NOL4: variants seen among roughly 807,000 people sequenced by gnomAD.
NOL4 encodes the protein cancer/testis antigen 125.
NOL4 carries 17 observed loss-of-function variants against 75.9 expected under a neutral mutation model. The ratio of observed to expected loss-of-function variants is 0.22; its 90% CI spans 0.15 to 0.34. NOL4 has a LOEUF of 0.34. Among genes scored for constraint, NOL4 ranks in the 10% least tolerant of loss-of-function variants. The probability of loss-of-function intolerance (pLI) is 1.00; values close to 1 mark genes in which losing one functional copy is unlikely to be tolerated. For missense variants in NOL4, 614 were observed against 793.5 expected (o/e 0.77, Z 2.72); for synonymous variants, 292 against 289.9 (o/e 1.01, Z -0.07).
chr18:34,070,103 C>G (rs924377694), intron 5 of NOL4, among the ~76,000 whole-genome samples: 1 of 152,238 alleles, frequency 6.6e-6, no homozygotes, highest in Non-Finnish European at 1.5e-5. Context: ...GCAATCCCGG[C>G]TCACTGAAAG....
intron 9 of NOL4, among the ~76,000 whole-genome samples, chr18:33,886,988 T>G (rs1277884299): frequency 2.2e-5 from 3 of 138,892 alleles, no homozygotes; most frequent in African/African-American, 5.3e-5. Context: ...TATATATCTA[T>G]ATATCTAGAT....
chr18:34,056,599 C>A (rs2145058701), intron 5 of NOL4, among the ~76,000 whole-genome samples: 1 of 152,246 alleles, frequency 6.6e-6, no homozygotes, highest in South Asian at 2.1e-4. Flanking sequence ...CCTAGACAAA[C>A]CAGAATATCT....
At chr18:34,156,562 G>A (rs1393291670) in intron 1 of NOL4, 1 of 152,070 alleles carries the variant, frequency 6.6e-6, no homozygotes, top group Non-Finnish European at 1.5e-5. Context: ...GCTCCATATG[G>A]CATGGAGTGC....
At chr18:34,110,641 T>G (rs549945562) in intron 2 of NOL4, among the ~76,000 whole-genome samples, 1 of 152,262 alleles carries the variant, frequency 6.6e-6, no homozygotes, top group South Asian at 2.1e-4. Context: ...GGATGCCCAC[T>G]TTTGTCACTT....
chr18:34,001,253 A>T (rs1384644332), intron 6 of NOL4, among the ~76,000 whole-genome samples: 1 of 152,146 alleles, frequency 6.6e-6, no homozygotes, highest in Non-Finnish European at 1.5e-5. Flanking sequence ...GACTGAGATT[A>T]GCATGCATTC....
intron 4 of NOL4, among the ~76,000 whole-genome samples, chr18:34,096,166 T>G (rs1241556329): frequency 6.6e-6 from 1 of 152,030 alleles, no homozygotes; most frequent in Non-Finnish European, 1.5e-5. Context: ...ATTAAAATGT[T>G]TATGTAACCA....
At chr18:33,957,556 G>A (rs1445016684) in intron 7 of NOL4, 39 bp from the exon 8 acceptor site, 4 of 1,505,068 alleles carry the variant, frequency 2.7e-6, no homozygotes, top group Non-Finnish European at 3.7e-6. Flanking sequence ...GGGTTTGGAG[G>A]GCTGCTCTCT....
intron 1 of NOL4, among the ~76,000 whole-genome samples, chr18:34,139,627 A>G (rs1600704466): frequency 6.6e-6 from 1 of 152,210 alleles, no homozygotes; most frequent in East Asian, 1.9e-4. Flanking sequence ...TTAAAAAACC[A>G]GCTCCTGGAT....
chr18:33,887,989 C>T (rs767235401), intron 9 of NOL4, among the ~76,000 whole-genome samples: 3 of 152,146 alleles, frequency 2.0e-5, no homozygotes, highest in Admixed American at 6.5e-5. Flanking sequence ...CCTGAGGAAT[C>T]GCCACACTGT....
At chr18:33,943,012 T>C in intron 9 of NOL4, 53 bp downstream of exon 9, 1 of 1,168,918 alleles carries the variant, frequency 8.6e-7, no homozygotes, top group East Asian at 2.3e-5. Context: ...TCAAATTAAA[T>C]GAACTACATT....
At chr18:34,146,542 G>A (rs977919066) in intron 1 of NOL4, among the ~76,000 whole-genome samples, 4 of 152,050 alleles carry the variant, frequency 2.6e-5, no homozygotes, top group East Asian at 1.9e-4. Flanking sequence ...TTGTAGATGC[G>A]TGGCGTTATT....
chr18:33,862,218 T>C (rs950878370), intron 10 of NOL4, among the ~76,000 whole-genome samples: 8 of 152,104 alleles, frequency 5.3e-5, no homozygotes, highest in African/African-American at 1.2e-4. Context: ...GCTAGCCATA[T>C]GTAGAAAGCT....
chr18:33,869,493 C>G lies in NOL4; in HGVS notation c.1723+13751G>C, dbSNP rs568567551. On this transcript the variant is annotated intron_variant, in intron 10 of 10. Coordinates refer to ENST00000261592, the MANE Select transcript of NOL4 (RefSeq NM_003787.5). ...TAATTTAAGGTAAGGAAGAGAAAAC[C>G]AGGCTCTAAGTTTGTAAATGAATAA... is the stretch of plus-strand genomic sequence containing the variant. 2.6e-5 allele frequency among the ~76,000 whole-genome samples: 4 copies of G among 151,900 alleles called. 1 individual carries two copies. The South Asian group carries it at 8.3e-4, about 32-fold the overall frequency.
At chr18:33,904,205 T>C (rs2065900217) in intron 9 of NOL4, among the ~76,000 whole-genome samples, 1 of 152,004 alleles carries the variant, frequency 6.6e-6, no homozygotes, top group African/African-American at 2.4e-5. Context: ...CTCTTTGCCA[T>C]AGGGGTCCCA....
At chr18:34,133,859 T>C (rs897373535) in intron 1 of NOL4, among the ~76,000 whole-genome samples, 6 of 151,914 alleles carry the variant, frequency 3.9e-5, no homozygotes, top group African/African-American at 1.2e-4. Flanking sequence ...CCTTCTCTAC[T>C]AAAAAATACA....
chr18:33,920,192 T>C (rs147946865), intron 9 of NOL4, among the ~76,000 whole-genome samples: 2 of 151,884 alleles, frequency 1.3e-5, no homozygotes, highest in African/African-American at 4.8e-5. Context: ...AGAGGGAAGA[T>C]GAGAGAGAGA....
At chr18:33,863,663 G>C (rs1567973452) in intron 10 of NOL4, among the ~76,000 whole-genome samples, 2 of 152,182 alleles carry the variant, frequency 1.3e-5, no homozygotes, top group East Asian at 1.9e-4. Context: ...CTCCCTCATG[G>C]GCTGGCATTG....
intron 5 of NOL4, among the ~76,000 whole-genome samples, chr18:34,069,352 G>C (rs1174574069): frequency 6.6e-6 from 1 of 152,046 alleles, no homozygotes; most frequent in Admixed American, 6.5e-5. Flanking sequence ...TAAAACATGA[G>C]AAAAAAGATT....
intron 1 of NOL4, among the ~76,000 whole-genome samples, chr18:34,196,791 C>T (rs1370464302): frequency 6.6e-6 from 1 of 151,990 alleles, no homozygotes; most frequent in African/African-American, 2.4e-5. Flanking sequence ...GTTCAAGAAA[C>T]TAAATAATAT....
Sources: gnomAD v4.1 joint callset for allele counts (sites outside exome capture counted in the v4.1 genomes callset) on GRCh38, gnomAD v4.1.1 for gene constraint, MANE v1.5 for transcripts, NCBI Gene and HGNC (gene_info 2026-07-23, HGNC 2026-07-21) for gene names.